The following NFIB variants were observed in gnomAD, a reference collection of about 807,000 sequenced individuals.
NFIB encodes nuclear factor I B.
Under a neutral mutation model 61.5 loss-of-function variants are expected in NFIB, and 11 were observed. The ratio of observed to expected loss-of-function variants is 0.18; its 90% CI spans 0.11 to 0.30. NFIB has a LOEUF of 0.30. Among genes scored for constraint, NFIB ranks in the 10% least tolerant of loss-of-function variants. The pLI is 1.00. For missense variants in NFIB, 471 were observed against 608.9 expected, an observed-to-expected ratio of 0.77 and a Z score of 2.38; for synonymous variants, 260 against 216.5, an observed-to-expected ratio of 1.20 and a Z score of -1.76.
chr9:14,338,399 A>G (rs1212787721), intron 1 of NFIB, among the ~76,000 whole-genome samples: 2 of 18,536 alleles, frequency 1.1e-4, no homozygotes, highest in African/African-American at 1.5e-4. Context: ...GTCTCAAAAA[A>G]AAAAAAGAAA....
the NFIB span, among the ~76,000 whole-genome samples, chr9:14,483,310 T>C: frequency 6.6e-6 from 1 of 152,220 alleles, no homozygotes; most frequent in Non-Finnish European, 1.5e-5. Flanking sequence ...CATATTTCAT[T>C]GCTACCGGGA....
chr9:14,440,710 C>G, the NFIB span, among the ~76,000 whole-genome samples: 1 of 152,168 alleles, frequency 6.6e-6, no homozygotes, highest in South Asian at 2.1e-4. Context: ...AGAGAGAAAC[C>G]AGGGAACTGG....
chr9:14,322,259 G>C, intron 1 of NFIB: 3 of 516,386 alleles, frequency 5.8e-6, no homozygotes, highest in Non-Finnish European at 8.5e-6. Flanking sequence ...CTTGCAGAAG[G>C]CTGTTTCTCG....
the NFIB span, among the ~76,000 whole-genome samples, chr9:14,502,316 G>C: frequency 6.6e-6 from 1 of 152,162 alleles, no homozygotes; most frequent in Non-Finnish European, 1.5e-5. Flanking sequence ...ACTTCAAAAA[G>C]TTTAGACTTC....
chr9:14,184,098 C>CT (rs5896622), intron 2 of NFIB, among the ~76,000 whole-genome samples: 140,658 of 152,082 alleles, frequency 0.92, 66,000 homozygotes, highest in Non-Finnish European at 1. Context: ...AATATCTAAG[C>CT]TTACCTAAGG....
chr9:14,483,067 C>T, the NFIB span, among the ~76,000 whole-genome samples: 1 of 152,238 alleles, frequency 6.6e-6, no homozygotes, highest in African/African-American at 2.4e-5. Flanking sequence ...GGAAAAGACA[C>T]AGGAAAATGG....
the NFIB span, among the ~76,000 whole-genome samples, chr9:14,500,130 G>T: frequency 2.6e-5 from 4 of 152,134 alleles, no homozygotes; most frequent in African/African-American, 9.7e-5. Flanking sequence ...TCCAGCATAT[G>T]TAGGTACTGT....
chr9:14,166,492 A>T lies in NFIB; in HGVS notation c.617-10599T>A, dbSNP rs553191518. Among the ~76,000 whole-genome samples the T allele has an allele frequency of 2.6e-5, 4 of 152,226 alleles. No homozygotes were observed. The East Asian group carries it at 7.7e-4, about 29-fold the overall frequency. On this transcript the variant is annotated intron_variant, in intron 3 of 10. Transcript: ENST00000380953. ...AAGTAACTTGTTTTTCATCCAGGAC[A>T]TTTCAAAATTTTCTTCATCCACGAA...
At chr9:14,188,051 A>C (rs1226748256) in intron 2 of NFIB, among the ~76,000 whole-genome samples, 1 of 152,142 alleles carries the variant, frequency 6.6e-6, no homozygotes, top group South Asian at 2.1e-4. Context: ...GAGTGAACCA[A>C]AGGTCATAAT....
intron 2 of NFIB, among the ~76,000 whole-genome samples, chr9:14,281,658 T>C (rs2058375821): frequency 1.3e-5 from 2 of 152,194 alleles, no homozygotes; most frequent in South Asian, 4.1e-4. Flanking sequence ...TTAGTGAACA[T>C]ACCAACTCCA....
At chr9:14,294,412 T>C (rs992464764) in intron 2 of NFIB, among the ~76,000 whole-genome samples, 8 of 152,232 alleles carry the variant, frequency 5.3e-5, no homozygotes, top group Non-Finnish European at 1.0e-4. Flanking sequence ...AAATCATAAG[T>C]GTAAGCAAAG....
In NFIB at chr9:14,389,054, G is replaced by A. The variant is rs537780057; in HGVS notation, c.108+9470C>T. Among the ~76,000 whole-genome samples the A allele has an allele frequency of 6.6e-5, 10 of 152,262 alleles. No individual in the cohort carries two copies. In the South Asian group the frequency reaches 8.3e-4, roughly 13 times the overall value. Reference sequence around the variant, plus strand: ...TCCAGTGATCATAGTGTGTAGCTTTGGATCAAGAACTGCAATATTAGATGA... The same window carrying A: ...TCCAGTGATCATAGTGTGTAGCTTTAGATCAAGAACTGCAATATTAGATGA... On this transcript the variant is annotated intron_variant, in intron 1 of 8. Coordinates refer to the NFIB transcript ENST00000380934.
intron 2 of NFIB, among the ~76,000 whole-genome samples, chr9:14,189,127 C>A (rs779025978): frequency 1.3e-4 from 20 of 152,202 alleles, no homozygotes; most frequent in Non-Finnish European, 1.5e-4. Context: ...ATCCTGGAGT[C>A]TTCACGCATT....
intron 1 of NFIB, among the ~76,000 whole-genome samples, chr9:14,367,078 A>G (rs73419634): frequency 0.011 from 1,662 of 152,300 alleles, 28 homozygotes; most frequent in African/African-American, 0.037. Flanking sequence ...GTTGATGACC[A>G]TGATAATGAC....
rs535384163 is a variant in NFIB, at chr9:14,141,737, T to C, written c.925+4952A>G. ...TTACTGCATAAAGTCTTTTTGAATT[T>C]ATATTTTATCTAAGATTACAGGTTG... On this transcript the variant is annotated intron_variant, in intron 6 of 10. Coordinates refer to ENST00000380953, the MANE Select transcript of NFIB (RefSeq NM_001190737.2). 2.2e-4 allele frequency among the ~76,000 whole-genome samples: 34 copies of C among 152,068 alleles called. 2 individuals are homozygous for C. The South Asian group carries it at 6.4e-3, about 29-fold the overall frequency.
intron 2 of NFIB, among the ~76,000 whole-genome samples, chr9:14,252,526 T>C (rs1330172847): frequency 2.0e-5 from 3 of 152,156 alleles, no homozygotes; most frequent in African/African-American, 4.8e-5. Flanking sequence ...TTTAAACATT[T>C]GTATTTGTTA....
intron 8 of NFIB, among the ~76,000 whole-genome samples, chr9:14,117,977 G>A (rs2038384914): frequency 6.6e-6 from 1 of 151,938 alleles, no homozygotes; most frequent in African/African-American, 2.4e-5. Context: ...AATGGTGAAG[G>A]AATACTGATG....
chr9:14,469,889 T>A, the NFIB span, among the ~76,000 whole-genome samples: 1 of 152,226 alleles, frequency 6.6e-6, no homozygotes, highest in Non-Finnish European at 1.5e-5. Flanking sequence ...GACTTTTTAA[T>A]CAAGGCTTGA....
chr9:14,181,535 A>G (rs1410353820), intron 2 of NFIB, among the ~76,000 whole-genome samples: 3 of 152,182 alleles, frequency 2.0e-5, no homozygotes, highest in African/African-American at 4.8e-5. Context: ...CATTCCTTTA[A>G]AAAACTGGTA....
Sources: allele counts gnomAD v4.1 joint callset (sites outside exome capture counted in the v4.1 genomes callset), GRCh38; gene constraint gnomAD v4.1.1; transcripts MANE v1.5; gene names NCBI Gene and HGNC (gene_info 2026-07-23, HGNC 2026-07-21).